ORC4: variants seen among roughly 807,000 people sequenced by gnomAD.
ORC4 encodes origin recognition complex, subunit 4 homolog.
A neutral mutation model predicts 63.9 loss-of-function variants in ORC4; 55 were observed. The observed-to-expected ratio is 0.86, with a 90% confidence interval of 0.69 to 1.08. ORC4 has a LOEUF of 1.08. Among genes scored for constraint, ORC4 ranks in the 50% least tolerant of loss-of-function variants. ORC4 has a pLI of 0.00. For missense variants in ORC4, 511 were observed against 504.4 expected, an observed-to-expected ratio of 1.01 and a Z score of -0.13; for synonymous variants, 150 against 168.5, an observed-to-expected ratio of 0.89 and a Z score of 0.85.
At chr2:147,949,869 A>G (rs1398744495) in intron 8 of ORC4, among the ~76,000 whole-genome samples, 1 of 152,178 alleles carries the variant, frequency 6.6e-6, no homozygotes, top group Non-Finnish European at 1.5e-5. Flanking sequence ...TTGAAATGTT[A>G]TAAAGATTTT....
chr2:147,994,197 T>C (rs1691797386), intron 1 of ORC4, among the ~76,000 whole-genome samples: 1 of 152,224 alleles, frequency 6.6e-6, no homozygotes, highest in African/African-American at 2.4e-5. Flanking sequence ...TATAAAACTC[T>C]GATTCAAGAA....
At chr2:147,935,810 G>GA in intron 13 of ORC4, 112 bp from the exon 14 acceptor site, 1 of 800,368 alleles carries the variant, frequency 1.2e-6, no homozygotes, top group East Asian at 2.5e-5. Context: ...AGAGTACTGG[G>GA]AAGCAAAATG....
At chr2:147,966,979 A>C (rs2105335311) in intron 4 of ORC4, among the ~76,000 whole-genome samples, 1 of 152,316 alleles carries the variant, frequency 6.6e-6, no homozygotes, top group African/African-American at 2.4e-5. Flanking sequence ...GAATGCAAAA[A>C]GATCATTCAC....
intron 1 of ORC4, among the ~76,000 whole-genome samples, chr2:148,006,204 G>T (rs533461362): frequency 6.6e-6 from 1 of 152,116 alleles, no homozygotes; most frequent in Non-Finnish European, 1.5e-5. Context: ...GGGACTTTGC[G>T]CTGGAACTCA....
intron 10 of ORC4, among the ~76,000 whole-genome samples, chr2:147,940,384 T>C (rs1457376546): frequency 2.0e-5 from 3 of 152,102 alleles, no homozygotes; most frequent in African/African-American, 7.2e-5. Context: ...AACTACCATT[T>C]GATACAGCCA....
rs531471545 is a variant in ORC4, at chr2:147,967,805, A to G, written c.225+4934T>C. 3.3e-5 allele frequency among the ~76,000 whole-genome samples: 5 copies of G among 152,208 alleles called. No homozygotes were observed. The South Asian group carries it at 8.3e-4, about 25-fold the overall frequency. On this transcript the variant is annotated intron_variant, in intron 4 of 13. Transcript: ENST00000392857. ...ACAGAGATAGAAAAAAAATCCTAAA[A>G]TTCATATGAAACAACAAAAGATGCC...
intron 1 of ORC4, among the ~76,000 whole-genome samples, chr2:148,000,229 A>G (rs1692216374): frequency 6.6e-6 from 1 of 152,092 alleles, no homozygotes; most frequent in Non-Finnish European, 1.5e-5. Context: ...CATAAAATGC[A>G]TGGCAAAATG....
chr2:147,994,158 A>G (rs1047122007), intron 1 of ORC4, among the ~76,000 whole-genome samples: 2 of 152,246 alleles, frequency 1.3e-5, no homozygotes, highest in Admixed American at 6.5e-5. Context: ...AATCTAACAA[A>G]ATATGTACAA....
chr2:148,004,918 G>A (rs1413707531), intron 1 of ORC4, among the ~76,000 whole-genome samples: 2 of 152,180 alleles, frequency 1.3e-5, no homozygotes, highest in Non-Finnish European at 2.9e-5. Flanking sequence ...AGATACTGGA[G>A]AGGATGTGGA....
chr2:147,943,414 A>G (rs148215461), intron 10 of ORC4, 22 bp downstream of exon 10: 2 of 1,499,062 alleles, frequency 1.3e-6, no homozygotes, highest in East Asian at 2.3e-5. Context: ...GCAACAAGCA[A>G]TAAAACAAAA....
At chr2:147,972,620 A>T (rs911428144) in intron 4 of ORC4, 119 bp downstream of exon 4, 51 of 529,342 alleles carry the variant, frequency 9.6e-5, no homozygotes, top group African/African-American at 9.4e-4. Context: ...AAACATTACA[A>T]AATAATGAAA....
In ORC4 at chr2:147,970,990, A is replaced by G. The variant is rs946812642; in HGVS notation, c.225+1749T>C. Among the ~76,000 whole-genome samples, 3 of 151,880 alleles carry G rather than the reference A, an allele frequency of 2.0e-5. 1 individual carries two copies. Among genetic ancestry groups the G allele is most frequent in the African/African-American group, 7.3e-5 (3 of 41,374 alleles). On this transcript the variant is annotated intron_variant, in intron 4 of 13. Coordinates refer to ENST00000392857, the MANE Select transcript of ORC4 (RefSeq NM_181741.4). ...TACACAAAATTAAAAAAAAAAAATT[A>G]GCCAGGTGTGATGGTGCATGCTTGC...
intron 8 of ORC4, among the ~76,000 whole-genome samples, chr2:147,951,243 C>T (rs1174257250): frequency 6.6e-6 from 1 of 152,244 alleles, no homozygotes; most frequent in Middle Eastern, 3.4e-3. Flanking sequence ...ATGTGCCTGA[C>T]ACATCTGCCG....
In ORC4 at chr2:147,996,600, T is replaced by A. The variant is rs140700598; in HGVS notation, c.-17-20625A>T. Among the ~76,000 whole-genome samples, 159 of 152,254 alleles carry A rather than the reference T, an allele frequency of 1.0e-3. 1 individual carries two copies. Among genetic ancestry groups the A allele is most frequent in the Non-Finnish European group, 1.6e-3 (109 of 68,030 alleles). On this transcript the variant is annotated intron_variant, in intron 1 of 13. Coordinates refer to ENST00000392857, the MANE Select transcript of ORC4 (RefSeq NM_181741.4). ...GAAATAACCCAGTTTAAAATTGGCA[T>A]CCAAATAAACATCTCACCAAATAAG...
chr2:147,990,283 T>C (rs1261289299), intron 1 of ORC4, among the ~76,000 whole-genome samples: 1 of 152,164 alleles, frequency 6.6e-6, no homozygotes, highest in Non-Finnish European at 1.5e-5. Flanking sequence ...TTAGGAGAAA[T>C]TTGAAGGTGG....
intron 1 of ORC4, among the ~76,000 whole-genome samples, chr2:147,995,820 G>A (rs1433496654): frequency 1.1e-4 from 17 of 152,048 alleles, no homozygotes; most frequent in Non-Finnish European, 2.4e-4. Flanking sequence ...CATTCACTGC[G>A]AGGGTCTGCG....
chr2:147,951,735 GT>G (rs1688970740), intron 8 of ORC4: 1 of 152,212 alleles, frequency 6.6e-6, no homozygotes, highest in South Asian at 2.1e-4. Flanking sequence ...TTCAATACCA[GT>G]TTTATCTGAA....
At chr2:147,969,317 G>A (rs1690073638) in intron 4 of ORC4, among the ~76,000 whole-genome samples, 1 of 151,982 alleles carries the variant, frequency 6.6e-6, no homozygotes, top group African/African-American at 2.4e-5. Context: ...AATGATAAAT[G>A]TTTGAGATGA....
At chr2:147,962,534 C>T (rs60951651) in intron 4 of ORC4, among the ~76,000 whole-genome samples, 5,580 of 152,192 alleles carry the variant, frequency 0.037, 334 homozygotes, top group African/African-American at 0.13. Flanking sequence ...TCTAGCTGCA[C>T]AGAGACTGAG....
Sources: allele counts gnomAD v4.1 joint callset (sites outside exome capture counted in the v4.1 genomes callset), GRCh38; gene constraint gnomAD v4.1.1; transcripts MANE v1.5; gene names NCBI Gene and HGNC (gene_info 2026-07-23, HGNC 2026-07-21).